Variants in MYO18B observed in about 807,000 individuals in gnomAD.
MYO18B encodes the protein unconventional myosin-XVIIIb.
Under a neutral mutation model 273.0 loss-of-function variants are expected in MYO18B, and 204 were observed. That is an observed-to-expected ratio of 0.75 (90% confidence interval 0.67 to 0.84). MYO18B has a LOEUF of 0.84. Ranked by LOEUF, MYO18B falls within the 40% of genes least tolerant of loss-of-function variation. MYO18B has a pLI of 0.00. For synonymous variants in MYO18B, 1,330 were observed against 1,305.7 expected, an observed-to-expected ratio of 1.02 and a Z score of -0.40; for missense variants, 3,212 against 3,287.6, an observed-to-expected ratio of 0.98 and a Z score of 0.56.
rs751860012 is a variant in MYO18B, at chr22:26,026,802, C to A, written c.6828C>A (p.Pro2276=). ...CCACGCTGGGCCTAGAGGACTGGCC[C>A]ACTCTCCCCATTTACCAGACGACTG... ...QGSTLGLEDW[P]TLPIYQTTGA... The change falls in exon 43 of 44, where the codon CCC becomes CCA. Residue 2276 remains proline, a synonymous_variant. Coordinates refer to ENST00000335473, the MANE Select transcript of MYO18B (RefSeq NM_032608.7). The A allele has an allele frequency of 6.3e-7, 1 of 1,598,022 alleles. No individual in the cohort carries two copies. Among genetic ancestry groups the A allele is most frequent in the African/African-American group, 1.3e-5 (1 of 74,234 alleles).
intron 42 of MYO18B, among the ~76,000 whole-genome samples, chr22:26,007,219 T>C (rs762110641): frequency 7.2e-5 from 11 of 152,180 alleles, no homozygotes; most frequent in Non-Finnish European, 1.5e-4. Context: ...TGGCTCACAG[T>C]TGGTGCTCAA....
At position 25,856,826 on chromosome 22, in the gene MYO18B, A is replaced by G. The variant is rs182046451; in HGVS notation, c.3885+5247A>G. ...CAAGTTAGAGAGTCTGGGCTTTATC[A>G]GGTGTTCAGTGATGCTCCTCTGAAG... is the stretch of plus-strand genomic sequence containing the variant. On this transcript the variant is annotated intron_variant, in intron 21 of 43. Coordinates refer to ENST00000335473, the MANE Select transcript of MYO18B (RefSeq NM_032608.7). Among the ~76,000 whole-genome samples the G allele has an allele frequency of 3.3e-5, 5 of 152,296 alleles. No homozygotes were observed. In the East Asian group the frequency reaches 9.6e-4, roughly 29 times the overall value.
downstream of MYO18B, among the ~76,000 whole-genome samples, chr22:26,033,157 AT>A (rs1303635087): frequency 6.6e-6 from 1 of 152,130 alleles, no homozygotes; most frequent in Non-Finnish European, 1.5e-5. Context: ...TTTCCTGGGC[AT>A]TTTAGAGCCT....
rs1339773643 is a variant in MYO18B, at chr22:26,030,520, T to C, written c.*90T>C. The C allele has an allele frequency of 5.8e-6, 1 of 172,022 alleles. No homozygotes were observed. Among genetic ancestry groups the C allele is most frequent in the African/African-American group, 2.4e-5 (1 of 42,284 alleles). The allele number at this position is 172,022 out of a possible 1,614,324, so 10.7% of individuals were successfully genotyped here. Reference sequence around the variant, plus strand: ...AGAGAGACTGGCCAGGCCTCCCCGGTGGCCAGAGCCAGCCAGCATGGCCAC... The same window carrying C: ...AGAGAGACTGGCCAGGCCTCCCCGGCGGCCAGAGCCAGCCAGCATGGCCAC... On this transcript the variant is annotated 3_prime_UTR_variant, in exon 44 of 44. Transcript: ENST00000335473.
chr22:25,994,619 A>G (rs1933036166), intron 40 of MYO18B, among the ~76,000 whole-genome samples: 2 of 152,256 alleles, frequency 1.3e-5, no homozygotes, highest in African/African-American at 4.8e-5. Context: ...ACAGCTGCCA[A>G]ACTGCTGGTG....
intron 12 of MYO18B, among the ~76,000 whole-genome samples, chr22:25,820,894 T>C (rs975904946): frequency 1.3e-5 from 2 of 151,882 alleles, no homozygotes; most frequent in African/African-American, 4.8e-5. Flanking sequence ...TATGAAATCT[T>C]TTTTTTTAGC....
the MYO18B span, among the ~76,000 whole-genome samples, chr22:26,046,852 CCA>C: frequency 6.6e-6 from 1 of 152,152 alleles, no homozygotes; most frequent in Non-Finnish European, 1.5e-5. Context: ...ATATTATTTC[CCA>C]CTGGGGTAGC....
At chr22:26,033,314 C>G (rs1187628548), downstream of MYO18B, among the ~76,000 whole-genome samples, 3 of 152,194 alleles carry the variant, frequency 2.0e-5, no homozygotes, top group East Asian at 5.8e-4. Flanking sequence ...CCCTGCCTTT[C>G]TTCAGGGAAT....
intron 34 of MYO18B, among the ~76,000 whole-genome samples, chr22:25,944,292 C>G (rs747635837): frequency 6.6e-6 from 1 of 152,132 alleles, no homozygotes; most frequent in Non-Finnish European, 1.5e-5. Flanking sequence ...TCCCATTTGC[C>G]GACTGAAATG....
intron 39 of MYO18B, among the ~76,000 whole-genome samples, chr22:25,960,647 A>T (rs1031457471): frequency 6.6e-6 from 1 of 152,042 alleles, no homozygotes; most frequent in South Asian, 2.1e-4. Context: ...TAATGGTCAG[A>T]CCCGCTGATT....
At chr22:25,852,036 G>C (rs1488035905) in intron 21 of MYO18B, among the ~76,000 whole-genome samples, 2 of 152,206 alleles carry the variant, frequency 1.3e-5, no homozygotes, top group Non-Finnish European at 2.9e-5. Flanking sequence ...CTAGCAAGGT[G>C]AAAGGTCATC....
At chr22:25,832,878 C>G (rs146334322) in intron 15 of MYO18B, 39 bp from the exon 16 acceptor site, 1 of 1,556,986 alleles carries the variant, frequency 6.4e-7, no homozygotes, top group South Asian at 1.1e-5. Context: ...CCCTTCAGCT[C>G]GCTAAAAGTG....
chr22:25,910,021 G>A (rs532052842), intron 32 of MYO18B, among the ~76,000 whole-genome samples: 1 of 152,108 alleles, frequency 6.6e-6, no homozygotes, highest in Non-Finnish European at 1.5e-5. Context: ...AGAGGCTGGT[G>A]GGGGTGGTCT....
At chr22:25,937,619 C>T in intron 34 of MYO18B, among the ~76,000 whole-genome samples, 1 of 143,772 alleles carries the variant, frequency 7.0e-6, no homozygotes, top group African/African-American at 2.6e-5. Context: ...GAGTTTCACT[C>T]TTGTTGCCCA....
chr22:25,987,859 T>G (rs938104138), intron 39 of MYO18B, among the ~76,000 whole-genome samples: 2 of 152,212 alleles, frequency 1.3e-5, no homozygotes, highest in Non-Finnish European at 2.9e-5. Context: ...TAGTTTTAGA[T>G]TATCCCGGGA....
chr22:25,940,952 G>T (rs1477610739), intron 34 of MYO18B, among the ~76,000 whole-genome samples: 1 of 152,202 alleles, frequency 6.6e-6, no homozygotes, highest in Non-Finnish European at 1.5e-5. Flanking sequence ...TGCCTGCCTT[G>T]CAGAATTCGA....
chr22:25,879,253 A>C (rs944330347), intron 25 of MYO18B, among the ~76,000 whole-genome samples: 2 of 152,258 alleles, frequency 1.3e-5, no homozygotes, highest in Non-Finnish European at 2.9e-5. Context: ...GGCCTGCGAA[A>C]GCTAAAACAT....
chr22:25,768,427 C>T lies in MYO18B; in HGVS notation c.511C>T (p.His171Tyr), dbSNP rs1357679931. Residue 171 changes from histidine (H) to tyrosine (Y), a missense_variant, in exon 4 of 44, where the codon CAT becomes TAT. By Grantham distance (83) the His-to-Tyr change is moderately conservative. Coordinates refer to ENST00000335473, the MANE Select transcript of MYO18B (RefSeq NM_032608.7). ...GGACTCAGCCAAGCCAGAGAAGACTCATCCCCATGACGCCCCCCCTTGCAA... is the reference window on the plus strand; with the variant it reads ...GGACTCAGCCAAGCCAGAGAAGACTTATCCCCATGACGCCCCCCCTTGCAA... ...DPDSAKPEKT[H>Y]PHDAPPCKTS... 3.1e-6 allele frequency: 5 copies of T among 1,613,140 alleles called. No homozygotes were observed. Among genetic ancestry groups the T allele is most frequent in the South Asian group, 2.2e-5 (2 of 90,924 alleles).
chr22:25,899,846 C>T (rs899870264), intron 29 of MYO18B: 2 of 76,576 alleles, frequency 2.6e-5, no homozygotes, highest in Non-Finnish European at 5.8e-5. Flanking sequence ...TTTAACAGGT[C>T]ATCTGATCTG....
Sources: gnomAD v4.1 joint callset for allele counts (sites outside exome capture counted in the v4.1 genomes callset) on GRCh38, gnomAD v4.1.1 for gene constraint, MANE v1.5 for transcripts, NCBI Gene and HGNC (gene_info 2026-07-23, HGNC 2026-07-21) for gene names.